The following ZBTB7A variants were observed in gnomAD, a reference collection of about 807,000 sequenced individuals.
ZBTB7A encodes the protein zinc finger and BTB domain containing 7A.
Under a neutral mutation model 26.7 loss-of-function variants are expected in ZBTB7A, and 7 were observed. That is an observed-to-expected ratio of 0.26 (90% CI 0.15 to 0.49). ZBTB7A has a LOEUF of 0.49. Ranked by LOEUF, ZBTB7A falls within the 20% of genes least tolerant of loss-of-function variation. The pLI, the probability that ZBTB7A is intolerant of heterozygous loss-of-function variation, is 0.98. For synonymous variants in ZBTB7A, 452 were observed against 441.0 expected, an observed-to-expected ratio of 1.02 and a Z score of -0.31; for missense variants, 617 against 919.5, an observed-to-expected ratio of 0.67 and a Z score of 4.25.
intron 1 of ZBTB7A, among the ~76,000 whole-genome samples, chr19:4,056,832 A>G (rs1411412617): frequency 1.3e-5 from 2 of 151,258 alleles, no homozygotes; most frequent in Admixed American, 1.3e-4. Flanking sequence ...GCACCACTGC[A>G]CTCCTGCCTG....
Position 4,044,671 on chromosome 19 carries a change from CTTT to C in ZBTB7A, c.*3078_*3080del, listed in dbSNP as rs11483656. 30 of 133,200 alleles carry C rather than the reference CTTT, an allele frequency of 2.3e-4. No individual in the cohort carries two copies. The highest frequency in any genetic ancestry group is 7.4e-4 in the African/African-American group (26 of 35,002). 8.3% of individuals were successfully genotyped at this position (133,200 alleles called of 1,614,324 possible). A position where few individuals can be genotyped will look rare whatever the true frequency, so the allele number is the denominator to read the frequency against. Reference sequence around the variant, plus strand: ...GAAATAACAATTTCGCATTGTTTTTCTTTTTTTTTTTTCTCTTTTTTTTTTTGT... The same window carrying C: ...GAAATAACAATTTCGCATTGTTTTTCTTTTTTTTTCTCTTTTTTTTTTTGT... On this transcript the variant is annotated 3_prime_UTR_variant, in exon 3 of 3. Transcript: ENST00000322357.
chr19:4,057,371 A>T (rs1232961246), intron 1 of ZBTB7A, among the ~76,000 whole-genome samples: 3 of 152,078 alleles, frequency 2.0e-5, no homozygotes, highest in Non-Finnish European at 4.4e-5. Context: ...AGGAAAGGGC[A>T]CTCTGAGGCG....
intron 2 of ZBTB7A, among the ~76,000 whole-genome samples, chr19:4,049,119 C>G (rs556969428): frequency 4.1e-4 from 56 of 137,618 alleles, no homozygotes; most frequent in African/African-American, 1.4e-3. Flanking sequence ...CACGCACCAC[C>G]ACACCCTATT....
At chr19:4,061,450 G>A (rs1180406931) in intron 1 of ZBTB7A, among the ~76,000 whole-genome samples, 2 of 151,878 alleles carry the variant, frequency 1.3e-5, no homozygotes, top group East Asian at 1.9e-4. Context: ...GCCAAGCCCC[G>A]CCTGGCCCAG....
At chr19:4,055,284 G>C (rs1473831218) in intron 1 of ZBTB7A, 37 bp from the exon 2 acceptor site, 3 of 1,436,358 alleles carry the variant, frequency 2.1e-6, no homozygotes, top group East Asian at 5.1e-5. Context: ...CTCGTGAGTG[G>C]GGGTGCGGGG....
At chr19:4,049,434 C>T (rs1336379593) in intron 2 of ZBTB7A, among the ~76,000 whole-genome samples, 2 of 151,354 alleles carry the variant, frequency 1.3e-5, no homozygotes, top group East Asian at 2.0e-4. Context: ...GTGCCTGGTG[C>T]CTTCATTCAT....
Position 4,052,988 on chromosome 19 carries a change from GTTGGCTGA to G in ZBTB7A, c.1262+975_1262+982del, listed in dbSNP as rs1461696500. On this transcript the variant is annotated intron_variant, in intron 2 of 2. Transcript: ENST00000322357. This position sits in a 1 kb window ranked among gnomAD's most constrained non-coding sequence, Gnocchi z 4.9. ...TGGCACCAGCAGACGCTTCATAAATGTTGGCTGATTGAAGCAAATGACCCAGGCTCACG... is the reference window on the plus strand; with the variant it reads ...TGGCACCAGCAGACGCTTCATAAATGTTGAAGCAAATGACCCAGGCTCACG... 4.6e-5 allele frequency among the ~76,000 whole-genome samples: 7 copies of G among 152,182 alleles called. No individual in the cohort carries two copies. Among genetic ancestry groups the G allele is most frequent in the Admixed American group, 1.3e-4 (2 of 15,272 alleles).
chr19:4,054,063 G>A lies in ZBTB7A; in HGVS notation c.1170C>T (p.Val390=). Residue 390 remains valine, a synonymous_variant, in exon 2 of 3, where the codon GTC becomes GTT. Transcript: ENST00000322357. ...GCGGCAGCTTGCCGGCGCCCTGGAT[G>A]ACCTTCTCGCAGATGGGGCACTTCT... The part of the protein sequence containing the change: ...AFQKCPICEK[V]IQGAGKLPRH... The A allele has an allele frequency of 6.2e-7, 1 of 1,612,296 alleles. No individual in the cohort carries two copies. Among genetic ancestry groups the A allele is most frequent in the Non-Finnish European group, 8.5e-7 (1 of 1,179,886 alleles).
Position 4,047,812 on chromosome 19 carries a change from A to C in ZBTB7A, c.1695T>G (p.Gly565=), listed in dbSNP as rs1599247140. The C allele has an allele frequency of 1.2e-6, 2 of 1,600,466 alleles. No individual in the cohort carries two copies. Among genetic ancestry groups the C allele is most frequent in the Non-Finnish European group, 8.5e-7 (1 of 1,174,686 alleles). ...RLNVAGAGGG[G]DSGGGPGAAT... is the part of the protein sequence containing the mutation. ...CGGCCCCGGGGCCACCTCCGCTGTC[A>C]CCTCCTCCACCGGCGCCCGCTACAT... is the stretch of plus-strand genomic sequence containing the variant. The change falls in exon 3 of 3, where the codon GGT becomes GGG. Residue 565 remains glycine, a synonymous_variant. Coordinates refer to ENST00000322357, the MANE Select transcript of ZBTB7A (RefSeq NM_015898.4).
intron 1 of ZBTB7A, among the ~76,000 whole-genome samples, chr19:4,056,250 G>A (rs2040576464): frequency 6.6e-6 from 1 of 152,160 alleles, no homozygotes; most frequent in Admixed American, 6.5e-5. Context: ...TGTGCATGAG[G>A]ACAGTCAGGT....
At chr19:4,057,794 A>C (rs1347222355) in intron 1 of ZBTB7A, among the ~76,000 whole-genome samples, 1 of 151,502 alleles carries the variant, frequency 6.6e-6, no homozygotes, top group Non-Finnish European at 1.5e-5. Context: ...AAAAAAAAAA[A>C]AAAACAATAA....
At chr19:4,053,500 TGGGTGTGCGTGTGTGC>T (rs2040527179) in intron 2 of ZBTB7A, among the ~76,000 whole-genome samples, 1 of 74,534 alleles carries the variant, frequency 1.3e-5, no homozygotes, top group African/African-American at 1.4e-4. Context: ...TGTGCGTGCC[TGGGTGTGCGTGTGTGC>T]GTGCGTGCGT....
rs563543868 is a variant in ZBTB7A at position 4,046,053 on chromosome 19, C to T, written c.*1699G>A. On this transcript the variant is annotated 3_prime_UTR_variant, in exon 3 of 3. Coordinates refer to ENST00000322357, the MANE Select transcript of ZBTB7A (RefSeq NM_015898.4). ...GGATTGGGGGGTGCCGGATGGGGAT[C>T]GGGGTGCTCCGGCTGGAAGGCCCAT... The T allele has an allele frequency of 1.0e-4, 40 of 398,690 alleles. No individual in the cohort carries two copies. The highest frequency in any genetic ancestry group is 6.3e-4 in the Middle Eastern group (1 of 1,590). The allele number at this position is 398,690 out of a possible 1,614,324, so 24.7% of individuals were successfully genotyped here.
In ZBTB7A at chr19:4,054,205, G is replaced by A; in HGVS notation, c.1028C>T (p.Ala343Val). ...GTAGTCCATGACGCCCTTGTCGTCGGCCCGCGACTCCTCGTCGCTGTCCCC... is the reference window on the plus strand; with the variant it reads ...GTAGTCCATGACGCCCTTGTCGTCGACCCGCGACTCCTCGTCGCTGTCCCC... The part of the protein sequence containing the change: ...AAGDSDEESR[A>V]DDKGVMDYYL... The change falls in exon 2 of 3, where the codon GCC becomes GTC. Residue 343 changes from alanine to valine, a missense_variant. Ala to Val is a moderately conservative substitution (Grantham distance 64). Around this residue, in one of 5 missense-constraint regions of ZBTB7A, gnomAD observed 331 missense variants for 391.3 expected, o/e 0.85. Coordinates refer to ENST00000322357, the MANE Select transcript of ZBTB7A (RefSeq NM_015898.4). The A allele has an allele frequency of 6.3e-7, 1 of 1,588,750 alleles. No individual in the cohort carries two copies. Among genetic ancestry groups the A allele is most frequent in the Non-Finnish European group, 8.5e-7 (1 of 1,173,152 alleles).
Position 4,052,627 on chromosome 19 carries a change from G to A in ZBTB7A, c.1262+1344C>T, listed in dbSNP as rs1454162390. Among the ~76,000 whole-genome samples the A allele has an allele frequency of 6.6e-6, 1 of 152,008 alleles. No individual in the cohort carries two copies. Among genetic ancestry groups the A allele is most frequent in the Non-Finnish European group, 1.5e-5 (1 of 67,938 alleles). On this transcript the variant is annotated intron_variant, in intron 2 of 2. Transcript: ENST00000322357. The surrounding 1 kb of genome is among the most constrained non-coding windows in gnomAD (Gnocchi z 4.9). Reference sequence around the variant, plus strand: ...CTGGGGGAACCCCAGGGCGGGCGGGGGGCAGGGGGTGGTGCTGAGTCACCC... The same window carrying A: ...CTGGGGGAACCCCAGGGCGGGCGGGAGGCAGGGGGTGGTGCTGAGTCACCC...
chr19:4,056,696 T>C (rs1232428266), intron 1 of ZBTB7A, among the ~76,000 whole-genome samples: 1 of 152,046 alleles, frequency 6.6e-6, no homozygotes, highest in Non-Finnish European at 1.5e-5. Context: ...AGTGAAACTC[T>C]GTCTCTACTA....
chr19:4,049,433 G>A (rs2040473427), intron 2 of ZBTB7A, among the ~76,000 whole-genome samples: 1 of 151,264 alleles, frequency 6.6e-6, no homozygotes. Context: ...AGTGCCTGGT[G>A]CCTTCATTCA....
chr19:4,055,499 C>G (rs1273651295), intron 1 of ZBTB7A: 3 of 984,860 alleles, frequency 3.0e-6, no homozygotes, highest in Non-Finnish European at 3.6e-6. Flanking sequence ...CAGAGACAGG[C>G]TATCACCATG....
At chr19:4,062,427 G>A (rs1470456749) in intron 1 of ZBTB7A, among the ~76,000 whole-genome samples, 2 of 152,214 alleles carry the variant, frequency 1.3e-5, no homozygotes, top group Non-Finnish European at 2.9e-5. Context: ...CCCACGGTAC[G>A]TGACGGCACC....
Sources: allele counts gnomAD v4.1 joint callset (sites outside exome capture counted in the v4.1 genomes callset), GRCh38; gene constraint gnomAD v4.1.1; regional missense constraint gnomAD v4.1.1; non-coding constraint Gnocchi (gnomAD v3.1); transcripts MANE v1.5; gene names NCBI Gene and HGNC (gene_info 2026-07-23, HGNC 2026-07-21).